GTPBP10: variants seen among roughly 807,000 people sequenced by gnomAD.
GTPBP10 encodes GTP-binding protein 10.
GTPBP10 carries 38 observed loss-of-function variants against 44.8 expected under a neutral mutation model. The ratio of observed to expected loss-of-function variants is 0.85; its 90% CI spans 0.65 to 1.11. The LOEUF is 1.11. Among genes scored for constraint, GTPBP10 ranks in the 50% most tolerant of loss-of-function variants. The probability of loss-of-function intolerance (pLI) is 0.00; values close to 1 mark genes in which losing one functional copy is unlikely to be tolerated. For synonymous variants in GTPBP10, 152 were observed against 150.6 expected (o/e 1.01, Z -0.07); for missense variants, 462 against 453.7 (o/e 1.02, Z -0.17).
In GTPBP10 at chr7:90,374,330, G is replaced by T; in HGVS notation, c.567G>T (p.Lys189Asn). ...CAACATTAAAGCCTGAACTTGGAAA[G>T]ATAATGTACAGTGATTTCAAACAGG... is the stretch of plus-strand genomic sequence containing the variant. ...AFTTLKPELG[K>N]IMYSDFKQIS... The change falls in exon 6 of 10, where the codon AAG becomes AAT. Residue 189 changes from lysine to asparagine, a missense_variant. Physicochemically the swap from Lys to Asn is moderately conservative, Grantham distance 94. Transcript: ENST00000222511. The T allele has an allele frequency of 6.3e-7, 1 of 1,596,090 alleles. No homozygotes were observed. The highest frequency in any genetic ancestry group is 2.2e-5 in the East Asian group (1 of 44,650).
intron 8 of GTPBP10, 46 bp downstream of exon 8, chr7:90,378,257 G>A: frequency 1.9e-6 from 3 of 1,550,404 alleles, no homozygotes; most frequent in Non-Finnish European, 2.7e-6. Flanking sequence ...CTAATACATA[G>A]GAATGTAAGA....
chr7:90,369,569 C>T (rs1475872389), intron 4 of GTPBP10, among the ~76,000 whole-genome samples: 1 of 152,222 alleles, frequency 6.6e-6, no homozygotes, highest in Non-Finnish European at 1.5e-5. Context: ...GCAGGTCAAT[C>T]TCAGACTGCT....
intron 4 of GTPBP10, among the ~76,000 whole-genome samples, chr7:90,363,782 T>C (rs1014712137): frequency 6.6e-6 from 1 of 152,228 alleles, no homozygotes; most frequent in African/African-American, 2.4e-5. Context: ...CAATCAGACG[T>C]AGATTTGGTC....
chr7:90,384,975 G>A lies in GTPBP10; in HGVS notation c.985G>A (p.Gly329Arg), dbSNP rs762765294. ...TATCATCCCCATATCTGCAGTTACTGGAGAAGGAATCGAAGAATTAAAGAA... is the reference window on the plus strand; with the variant it reads ...TATCATCCCCATATCTGCAGTTACTAGAGAAGGAATCGAAGAATTAAAGAA... ...QHIIPISAVT[G>R]EGIEELKNCI... The change falls in exon 10 of 10, where the codon GGA (glycine) becomes AGA (arginine). Residue 329 changes from glycine (G) to arginine (R), a missense_variant. Gly to Arg is a moderately radical substitution (Grantham distance 125). Transcript: ENST00000222511. The A allele has an allele frequency of 4.3e-6, 7 of 1,613,510 alleles. No individual in the cohort carries two copies. The highest frequency in any genetic ancestry group is 1.3e-5 in the African/African-American group (1 of 74,888).
intron 4 of GTPBP10, among the ~76,000 whole-genome samples, chr7:90,364,162 G>A (rs1248051290): frequency 6.6e-6 from 1 of 152,188 alleles, no homozygotes; most frequent in Non-Finnish European, 1.5e-5. Flanking sequence ...GTCCAGCTTT[G>A]TTCCATTGCT....
chr7:90,367,452 A>G (rs1377283130), intron 4 of GTPBP10, among the ~76,000 whole-genome samples: 1 of 152,044 alleles, frequency 6.6e-6, no homozygotes, highest in Non-Finnish European at 1.5e-5. Context: ...TGCTTTATGA[A>G]TCTGGGTGCT....
chr7:90,353,215 T>C, intron 2 of GTPBP10: 1 of 414,160 alleles, frequency 2.4e-6, no homozygotes, highest in Non-Finnish European at 4.3e-6. Flanking sequence ...GTCCGTTTCT[T>C]TTCCCAATGT....
chr7:90,370,282 C>A (rs1173439591), intron 4 of GTPBP10, among the ~76,000 whole-genome samples: 1 of 151,860 alleles, frequency 6.6e-6, no homozygotes, highest in Admixed American at 6.6e-5. Context: ...TTCAGAATTG[C>A]AAAGACATGG....
intron 5 of GTPBP10, among the ~76,000 whole-genome samples, chr7:90,373,265 A>G (rs1010839048): frequency 1.3e-5 from 2 of 152,192 alleles, no homozygotes; most frequent in Non-Finnish European, 2.9e-5. Flanking sequence ...GCAAGGGATA[A>G]AATGCTTAGG....
At chr7:90,382,813 T>G in intron 8 of GTPBP10, 143 bp from the exon 9 acceptor site, 1 of 476,906 alleles carries the variant, frequency 2.1e-6, no homozygotes, top group South Asian at 6.1e-5. Context: ...TCTGAAATTC[T>G]TCCTTTTGTT....
At chr7:90,356,961 G>T (rs1403889727) in intron 4 of GTPBP10, among the ~76,000 whole-genome samples, 4 of 152,150 alleles carry the variant, frequency 2.6e-5, no homozygotes, top group Non-Finnish European at 4.4e-5. Flanking sequence ...GGGGGAAAAA[G>T]ATTTTTAAGT....
chr7:90,354,689 C>T (rs17862154), intron 3 of GTPBP10, 140 bp downstream of exon 3: 33,367 of 499,154 alleles, frequency 0.067, 1,384 homozygotes, highest in South Asian at 0.15. Flanking sequence ...ATTTTTAAAA[C>T]TTATAAAAGT....
chr7:90,347,515 A>G, intron 1 of GTPBP10: 1 of 524,510 alleles, frequency 1.9e-6, no homozygotes, highest in Non-Finnish European at 2.4e-6. Context: ...AAAAAATCCC[A>G]TTTGTTTTTT....
At chr7:90,364,725 C>T (rs1397153424) in intron 4 of GTPBP10, among the ~76,000 whole-genome samples, 3 of 152,158 alleles carry the variant, frequency 2.0e-5, no homozygotes, top group South Asian at 2.1e-4. Context: ...GCCCTGCCCC[C>T]GGAGGTGGAT....
At chr7:90,368,297 C>T (rs1173998869) in intron 4 of GTPBP10, among the ~76,000 whole-genome samples, 1 of 152,078 alleles carries the variant, frequency 6.6e-6, no homozygotes, top group Non-Finnish European at 1.5e-5. Context: ...TTGTGGTGTT[C>T]TCCGTATTTC....
chr7:90,374,309 A>G lies in GTPBP10; in HGVS notation c.546A>G (p.Thr182=), dbSNP rs1036617823. ...KPAIADYAFT[T]LKPELGKIMY... Reference sequence around the variant, plus strand: ...TGCTGTGTTTCCTTTTAGTTACAACATTAAAGCCTGAACTTGGAAAGATAA... The same window carrying G: ...TGCTGTGTTTCCTTTTAGTTACAACGTTAAAGCCTGAACTTGGAAAGATAA... Residue 182 remains threonine (T), a synonymous_variant, in exon 6 of 10, where the codon ACA becomes ACG. Transcript: ENST00000222511. 25 of 1,596,330 alleles carry G rather than the reference A, an allele frequency of 1.6e-5. No homozygotes were observed. The highest frequency in any genetic ancestry group is 2.0e-5 in the Non-Finnish European group (23 of 1,164,670).
intron 4 of GTPBP10, among the ~76,000 whole-genome samples, chr7:90,356,498 C>T (rs958207999): frequency 7.2e-5 from 11 of 152,280 alleles, no homozygotes; most frequent in South Asian, 2.1e-4. Context: ...GAGCCTAGCA[C>T]GGCTTAGTCA....
intron 4 of GTPBP10, among the ~76,000 whole-genome samples, chr7:90,364,519 A>G (rs1032017877): frequency 1.3e-5 from 2 of 152,102 alleles, no homozygotes; most frequent in African/African-American, 4.8e-5. Context: ...GTACCTGGCT[A>G]TGTAAGGTGT....
In GTPBP10 at chr7:90,374,299, T is replaced by C. The variant is rs1335704720; in HGVS notation, c.539-3T>C. ...CTTAATTTATTGCTGTGTTTCCTTT[T>C]AGTTACAACATTAAAGCCTGAACTT... On this transcript the variant is annotated splice_polypyrimidine_tract_variant and splice_region_variant and intron_variant, in intron 5 of 9. Transcript: ENST00000222511. 2 of 1,588,160 alleles carry C rather than the reference T, an allele frequency of 1.3e-6. No homozygotes were observed. Among genetic ancestry groups the C allele is most frequent in the Admixed American group, 3.3e-5 (2 of 59,784 alleles).
Sources: gnomAD v4.1 joint callset for allele counts (sites outside exome capture counted in the v4.1 genomes callset) on GRCh38, gnomAD v4.1.1 for gene constraint, MANE v1.5 for transcripts, NCBI Gene and HGNC (gene_info 2026-07-23, HGNC 2026-07-21) for gene names.